ARHGEF3: variants seen among roughly 807,000 people sequenced by gnomAD.
ARHGEF3 encodes the protein Rho guanine nucleotide exchange factor 3.
Under a neutral mutation model 63.2 loss-of-function variants are expected in ARHGEF3, and 28 were observed. The observed-to-expected ratio is 0.44, with a 90% CI of 0.33 to 0.61. The LOEUF (loss-of-function observed/expected upper bound fraction) is 0.61. Ranked by LOEUF, ARHGEF3 falls within the 20% of genes least tolerant of loss-of-function variation. The probability of loss-of-function intolerance (pLI) is 0.03; values close to 1 mark genes in which losing one functional copy is unlikely to be tolerated. For synonymous variants in ARHGEF3, 266 were observed against 254.2 expected (o/e 1.05, Z -0.44); for missense variants, 533 against 659.3 (o/e 0.81, Z 2.10).
intron 3 of ARHGEF3, among the ~76,000 whole-genome samples, chr3:56,902,237 A>G (rs983344029): frequency 2.0e-4 from 30 of 152,250 alleles, no homozygotes; most frequent in African/African-American, 7.2e-4. Context: ...CACAAGTGCC[A>G]TGAGTATTAA....
At chr3:56,914,141 G>C (rs567126521) in intron 3 of ARHGEF3, among the ~76,000 whole-genome samples, 1 of 152,166 alleles carries the variant, frequency 6.6e-6, no homozygotes, top group Non-Finnish European at 1.5e-5. Context: ...GGTGAGAGAG[G>C]AGTGAGGGAT....
chr3:56,948,894 A>T (rs1485269952), intron 3 of ARHGEF3, among the ~76,000 whole-genome samples: 2 of 152,000 alleles, frequency 1.3e-5, no homozygotes, highest in African/African-American at 4.8e-5. Flanking sequence ...ATACTGGCAA[A>T]CTGAATCCAG....
rs192789080 is a variant in ARHGEF3, at chr3:56,799,763, A to G, written c.96+1940T>C. Among the ~76,000 whole-genome samples the G allele has an allele frequency of 1.2e-3, 176 of 152,352 alleles. 3 individuals are homozygous for G. In the East Asian group the frequency reaches 0.023, roughly 20 times the overall value. On this transcript the variant is annotated intron_variant, in intron 1 of 9. Coordinates refer to ENST00000296315, the MANE Select transcript of ARHGEF3 (RefSeq NM_019555.3). Reference sequence around the variant, plus strand: ...TAGGTTTCTTTTTCCAATTTTGCCAATTTCCATTATCAGGAAGTGATATGC... The same window carrying G: ...TAGGTTTCTTTTTCCAATTTTGCCAGTTTCCATTATCAGGAAGTGATATGC...
At chr3:56,758,627 C>G (rs1255358172) in intron 2 of ARHGEF3, among the ~76,000 whole-genome samples, 2 of 152,072 alleles carry the variant, frequency 1.3e-5, no homozygotes, top group Non-Finnish European at 1.5e-5. Context: ...GATGGCTGGA[C>G]CAGCCCTATG....
At chr3:56,995,419 C>A (rs1701931221) in intron 2 of ARHGEF3, among the ~76,000 whole-genome samples, 1 of 152,070 alleles carries the variant, frequency 6.6e-6, no homozygotes, top group Non-Finnish European at 1.5e-5. Flanking sequence ...AGACAGAATT[C>A]ATTTTAACTT....
intron 3 of ARHGEF3, among the ~76,000 whole-genome samples, chr3:56,904,585 T>C (rs2041626987): frequency 6.6e-6 from 1 of 152,212 alleles, no homozygotes; most frequent in African/African-American, 2.4e-5. Flanking sequence ...AGGAGTAACA[T>C]TGTTCTCTGT....
In ARHGEF3 at chr3:56,741,605, A is replaced by G. The variant is rs1295520714; in HGVS notation, c.870+3600T>C. ...TGCAAGCTCCGCCTCCCAGGTTCAC[A>G]CCATTCTCCTGCCTCAGCCTCCCAA... On this transcript the variant is annotated intron_variant, in intron 7 of 9. Coordinates refer to ENST00000296315, the MANE Select transcript of ARHGEF3 (RefSeq NM_019555.3). Among the ~76,000 whole-genome samples the G allele has an allele frequency of 4.4e-5, 6 of 136,986 alleles. No individual in the cohort carries two copies. In the South Asian group the frequency reaches 9.1e-4, roughly 21 times the overall value. The allele number at this position is 136,986 out of a possible 152,430, so 89.9% of individuals were successfully genotyped here. A position where few individuals can be genotyped will look rare whatever the true frequency, so the allele number is the denominator to read the frequency against.
At chr3:56,743,156 C>G (rs2034150653) in intron 7 of ARHGEF3, among the ~76,000 whole-genome samples, 1 of 152,190 alleles carries the variant, frequency 6.6e-6, no homozygotes, top group Non-Finnish European at 1.5e-5. Flanking sequence ...GGCCTCAACC[C>G]CAGCGACTGC....
chr3:56,892,051 G>A (rs905638332), intron 3 of ARHGEF3, among the ~76,000 whole-genome samples: 9 of 152,098 alleles, frequency 5.9e-5, no homozygotes, highest in Non-Finnish European at 1.3e-4. Context: ...CAAGTGGGAG[G>A]AGGGAGGAGA....
chr3:56,982,767 C>CTT (rs1278706679), intron 2 of ARHGEF3, among the ~76,000 whole-genome samples: 26 of 152,104 alleles, frequency 1.7e-4, no homozygotes, highest in Non-Finnish European at 3.4e-4. Flanking sequence ...CTGTCTGCTG[C>CTT]CTTGGTCAGC....
At chr3:56,894,653 T>A (rs925393860) in intron 3 of ARHGEF3, among the ~76,000 whole-genome samples, 25 of 152,044 alleles carry the variant, frequency 1.6e-4, no homozygotes, top group African/African-American at 5.6e-4. Flanking sequence ...TAAAAAATTT[T>A]AAAAAAATTC....
chr3:56,904,271 A>G (rs993456433), intron 3 of ARHGEF3, among the ~76,000 whole-genome samples: 5 of 152,120 alleles, frequency 3.3e-5, no homozygotes, highest in Admixed American at 1.3e-4. Context: ...GGCTCAGGCA[A>G]TCCTCCCACT....
At chr3:56,959,015 A>G in intron 2 of ARHGEF3, 1 of 947,404 alleles carries the variant, frequency 1.1e-6, no homozygotes, top group Non-Finnish European at 1.6e-6. Flanking sequence ...AGGTGGATGG[A>G]GTTTTCAACA....
chr3:56,813,666 T>C (rs956189222), intron 4 of ARHGEF3, among the ~76,000 whole-genome samples: 1 of 152,120 alleles, frequency 6.6e-6, no homozygotes, highest in African/African-American at 2.4e-5. Flanking sequence ...ACTAAAAGGA[T>C]CAGCATTTTG....
At chr3:56,831,940 C>T (rs1229227735) in intron 4 of ARHGEF3, among the ~76,000 whole-genome samples, 1 of 152,170 alleles carries the variant, frequency 6.6e-6, no homozygotes, top group African/African-American at 2.4e-5. Flanking sequence ...AAGGAAGAGT[C>T]AGAAGGGCAA....
At chr3:56,781,523 G>C (rs1049260182) in intron 1 of ARHGEF3, among the ~76,000 whole-genome samples, 2 of 152,184 alleles carry the variant, frequency 1.3e-5, no homozygotes, top group Non-Finnish European at 2.9e-5. Flanking sequence ...TGGGATTACA[G>C]GTGTGAGCCA....
At chr3:56,803,440 A>G (rs190359915), upstream of ARHGEF3, among the ~76,000 whole-genome samples, 97 of 152,116 alleles carry the variant, frequency 6.4e-4, no homozygotes, top group Non-Finnish European at 1.1e-3. Flanking sequence ...GAGAAAAAAT[A>G]AAAAAGAAAA....
chr3:57,005,208 AG>A (rs996409890), intron 2 of ARHGEF3, among the ~76,000 whole-genome samples: 2 of 152,188 alleles, frequency 1.3e-5, no homozygotes, highest in Non-Finnish European at 2.9e-5. Context: ...GTCCAGGAAT[AG>A]CTAAAAGAAA....
chr3:57,029,261 T>C (rs1036639855), intron 2 of ARHGEF3, among the ~76,000 whole-genome samples: 2 of 152,012 alleles, frequency 1.3e-5, no homozygotes, highest in Non-Finnish European at 2.9e-5. Flanking sequence ...AGAAACCCCG[T>C]CTCTACTAAA....
Sources: gnomAD v4.1 joint callset for allele counts (sites outside exome capture counted in the v4.1 genomes callset) on GRCh38, gnomAD v4.1.1 for gene constraint, MANE v1.5 for transcripts, NCBI Gene and HGNC (gene_info 2026-07-23, HGNC 2026-07-21) for gene names.